XRN2: variants seen among roughly 807,000 people sequenced by gnomAD.
XRN2 encodes 5'-3' exoribonuclease 2.
Under a neutral mutation model 138.5 loss-of-function variants are expected in XRN2, and 44 were observed. The observed-to-expected ratio is 0.32, with a 90% CI of 0.25 to 0.41. The LOEUF (loss-of-function observed/expected upper bound fraction) is 0.41, where lower values mean the gene tolerates loss of function less well. Among genes scored for constraint, XRN2 ranks in the 10% least tolerant of loss-of-function variants. The pLI, the probability that XRN2 is intolerant of heterozygous loss-of-function variation, is 1.00. For missense variants in XRN2, 937 were observed against 1,169.3 expected, an observed-to-expected ratio of 0.80 and a Z score of 2.90; for synonymous variants, 354 against 369.4, an observed-to-expected ratio of 0.96 and a Z score of 0.48.
At chr20:21,349,607 G>C (rs1369004480) in intron 20 of XRN2, 146 bp downstream of exon 20, 3 of 677,938 alleles carry the variant, frequency 4.4e-6, no homozygotes, top group Non-Finnish European at 4.9e-6. Flanking sequence ...GCCTGGCGTG[G>C]TGGCTTGCAC....
chr20:21,382,673 T>C (rs974317951), intron 28 of XRN2, among the ~76,000 whole-genome samples: 2 of 152,194 alleles, frequency 1.3e-5, no homozygotes, highest in Admixed American at 6.5e-5. Flanking sequence ...ATAAGTACCA[T>C]GGACTAGGAA....
chr20:21,366,196 T>C lies in XRN2; in HGVS notation c.2456+492T>C, dbSNP rs543897770. On this transcript the variant is annotated intron_variant, in intron 26 of 29. Transcript: ENST00000377191. ...TATATATAAATATATATTATATTTATAGTTTATATATATAATATAGTTTAT... is the reference window on the plus strand; with the variant it reads ...TATATATAAATATATATTATATTTACAGTTTATATATATAATATAGTTTAT... 1.8e-3 allele frequency among the ~76,000 whole-genome samples: 229 copies of C among 130,272 alleles called. 1 individual carries two copies. Among genetic ancestry groups the C allele is most frequent in the Admixed American group, 5.9e-3 (64 of 10,806 alleles). 85.5% of individuals were successfully genotyped at this position (130,272 alleles called of 152,430 possible). A position where few individuals can be genotyped will look rare whatever the true frequency, so the allele number is the denominator to read the frequency against.
intron 24 of XRN2, among the ~76,000 whole-genome samples, chr20:21,358,831 TGGA>T (rs2038604883): frequency 6.6e-6 from 1 of 152,160 alleles, no homozygotes; most frequent in African/African-American, 2.4e-5. Flanking sequence ...TTGTTAAGGG[TGGA>T]GTACAGAATT....
chr20:21,328,269 G>A (rs1046300599), intron 3 of XRN2, among the ~76,000 whole-genome samples: 1 of 152,130 alleles, frequency 6.6e-6, no homozygotes, highest in Non-Finnish European at 1.5e-5. Flanking sequence ...CTAACCGAGG[G>A]GAACTGGTGT....
intron 27 of XRN2, among the ~76,000 whole-genome samples, chr20:21,380,077 C>A (rs1045162180): frequency 2.6e-5 from 4 of 152,066 alleles, no homozygotes; most frequent in Non-Finnish European, 4.4e-5. Context: ...TAAAAAGACA[C>A]CAGGCAAGCA....
intron 28 of XRN2, among the ~76,000 whole-genome samples, chr20:21,383,528 G>A (rs1490685422): frequency 6.6e-6 from 1 of 152,114 alleles, no homozygotes; most frequent in Non-Finnish European, 1.5e-5. Context: ...CTTACCTAAG[G>A]TCACTCTTTT....
intron 24 of XRN2, among the ~76,000 whole-genome samples, chr20:21,363,174 T>C (rs2038656755): frequency 6.6e-6 from 1 of 152,188 alleles, no homozygotes; most frequent in African/African-American, 2.4e-5. Flanking sequence ...ACACACATGC[T>C]TTGACTCAGC....
intron 16 of XRN2, among the ~76,000 whole-genome samples, 196 bp from the exon 17 acceptor site, chr20:21,346,219 G>C (rs564577978): frequency 6.6e-6 from 1 of 152,302 alleles, no homozygotes; most frequent in East Asian, 1.9e-4. Context: ...GTGTTTAACT[G>C]TCTTTAAGTT....
At chr20:21,368,404 G>A (rs2038726211) in intron 26 of XRN2, 59 bp from the exon 27 acceptor site, 1 of 1,591,158 alleles carries the variant, frequency 6.3e-7, no homozygotes, top group African/African-American at 1.4e-5. Flanking sequence ...TGTGTCAGCT[G>A]TGTTATGATG....
At chr20:21,350,041 A>G (rs2038486084) in intron 20 of XRN2, among the ~76,000 whole-genome samples, 1 of 152,240 alleles carries the variant, frequency 6.6e-6, no homozygotes, top group Admixed American at 6.5e-5. Context: ...TGTATACTCC[A>G]TGGAAACTTT....
intron 23 of XRN2, 63 bp from the exon 24 acceptor site, chr20:21,357,673 A>G: frequency 7.4e-7 from 1 of 1,346,634 alleles, no homozygotes. Context: ...GCAACATCTT[A>G]TTTCCACTTA....
In XRN2 at chr20:21,354,826, A is replaced by G. The variant is rs1417815672; in HGVS notation, c.1974A>G (p.Leu658=). 3 of 1,613,926 alleles carry G rather than the reference A, an allele frequency of 1.9e-6. No homozygotes were observed. Among genetic ancestry groups the G allele is most frequent in the Non-Finnish European group, 2.5e-6 (3 of 1,179,956 alleles). The change falls in exon 21 of 30, where the codon CTA becomes CTG. Residue 658 remains leucine (L), a synonymous_variant. Coordinates refer to ENST00000377191, the MANE Select transcript of XRN2 (RefSeq NM_012255.5). ...ALLPFVDERR[L]RAALEEVYPD... ...TGCCATTCGTGGATGAGCGAAGGCT[A>G]CGAGCTGCCCTAGAAGAGGTATACC...
chr20:21,325,034 A>G (rs567142590), intron 1 of XRN2, among the ~76,000 whole-genome samples: 1 of 152,316 alleles, frequency 6.6e-6, no homozygotes, highest in South Asian at 2.1e-4. Flanking sequence ...TATATTTGCA[A>G]ACATGTCTAT....
intron 1 of XRN2, among the ~76,000 whole-genome samples, chr20:21,321,125 C>T (rs553680675): frequency 6.6e-6 from 1 of 152,054 alleles, no homozygotes; most frequent in Non-Finnish European, 1.5e-5. Flanking sequence ...AGGTGATTCT[C>T]CCACCTCAGC....
At chr20:21,317,232 T>G (rs2037971861) in intron 1 of XRN2, among the ~76,000 whole-genome samples, 1 of 151,950 alleles carries the variant, frequency 6.6e-6, no homozygotes, top group South Asian at 2.1e-4. Flanking sequence ...GGTTATTTTT[T>G]TGTTTGTTTG....
intron 1 of XRN2, among the ~76,000 whole-genome samples, chr20:21,325,627 G>A (rs2038114921): frequency 6.6e-6 from 1 of 152,186 alleles, no homozygotes; most frequent in Admixed American, 6.5e-5. Flanking sequence ...GAGATCAAAA[G>A]GCATTTTCCA....
In XRN2 at chr20:21,356,101, G is replaced by C. The variant is rs1450718344; in HGVS notation, c.2042G>C (p.Gly681Ala). Residue 681 changes from glycine to alanine, a missense_variant, in exon 22 of 30, where the codon GGT becomes GCT. Coordinates refer to ENST00000377191, the MANE Select transcript of XRN2 (RefSeq NM_012255.5). Reference sequence around the variant, plus strand: ...CTAGCCAGAAGAAACAGCCTTGGAGGTGATGTCTTATTTGTGGGGAAACAT... The same window carrying C: ...CTAGCCAGAAGAAACAGCCTTGGAGCTGATGTCTTATTTGTGGGGAAACAT... ...PEETRRNSLGGDVLFVGKHHP... is the reference protein window; with the variant it reads ...PEETRRNSLGADVLFVGKHHP... 6.2e-7 allele frequency: 1 copy of C among 1,612,210 alleles called. No homozygotes were observed. Among genetic ancestry groups the C allele is most frequent in the East Asian group, 2.2e-5 (1 of 44,726 alleles).
intron 1 of XRN2, among the ~76,000 whole-genome samples, chr20:21,315,090 T>A (rs1187358367): frequency 1.3e-5 from 2 of 152,196 alleles, no homozygotes; most frequent in African/African-American, 4.8e-5. Flanking sequence ...AAAAATGTCC[T>A]GCTTCCAGGG....
At chr20:21,355,465 T>C (rs2038564598) in intron 21 of XRN2, among the ~76,000 whole-genome samples, 1 of 152,178 alleles carries the variant, frequency 6.6e-6, no homozygotes, top group African/African-American at 2.4e-5. Context: ...TTTAGAACAA[T>C]CTTTTCATCA....
Sources: allele counts gnomAD v4.1 joint callset (sites outside exome capture counted in the v4.1 genomes callset), GRCh38; gene constraint gnomAD v4.1.1; transcripts MANE v1.5; gene names NCBI Gene and HGNC (gene_info 2026-07-23, HGNC 2026-07-21).